The following TMOD1 variants were observed in gnomAD, a reference collection of about 807,000 sequenced individuals.
The protein encoded by TMOD1 is tropomodulin 1, also known as tropomodulin-1.
Under a neutral mutation model 40.6 loss-of-function variants are expected in TMOD1, and 17 were observed. The observed-to-expected ratio is 0.42, with a 90% CI of 0.29 to 0.63. TMOD1 has a LOEUF of 0.63. TMOD1 is among the 20% of genes least tolerant of loss of function. TMOD1 has a pLI of 0.22. For missense variants in TMOD1, 391 were observed against 447.6 expected, an observed-to-expected ratio of 0.87 and a Z score of 1.14; for synonymous variants, 181 against 175.0, an observed-to-expected ratio of 1.03 and a Z score of -0.27.
At position 97,593,056 on chromosome 9, in the gene TMOD1, C is replaced by T. The variant is rs115534670; in HGVS notation, c.1015+1621C>T. 4.4e-3 allele frequency among the ~76,000 whole-genome samples: 667 copies of T among 152,298 alleles called. 5 individuals are homozygous for T. The highest frequency in any genetic ancestry group is 0.016 in the African/African-American group (646 of 41,560). On this transcript the variant is annotated intron_variant, in intron 9 of 9. Coordinates refer to ENST00000259365, the MANE Select transcript of TMOD1 (RefSeq NM_003275.4). ...CAGCAGCTGTGATCTGGCTGCAGTACCAGCACGGAGAAGCCTTGCGTTTCT... is the reference window on the plus strand; with the variant it reads ...CAGCAGCTGTGATCTGGCTGCAGTATCAGCACGGAGAAGCCTTGCGTTTCT...
At chr9:97,524,939 C>A (rs1235582598) in intron 2 of TMOD1, among the ~76,000 whole-genome samples, 3 of 152,126 alleles carry the variant, frequency 2.0e-5, no homozygotes, top group African/African-American at 7.2e-5. Flanking sequence ...AACACCCTCA[C>A]AGACACACCC....
chr9:97,551,184 C>T (rs1038362282), intron 3 of TMOD1, among the ~76,000 whole-genome samples: 7 of 151,740 alleles, frequency 4.6e-5, no homozygotes, highest in East Asian at 1.9e-4. Flanking sequence ...CCATCACGCC[C>T]GGCTAATTTT....
chr9:97,503,265 G>A (rs1295362558), intron 1 of TMOD1, among the ~76,000 whole-genome samples: 1 of 152,140 alleles, frequency 6.6e-6, no homozygotes, highest in Admixed American at 6.5e-5. Flanking sequence ...GCTCAGGCAG[G>A]TCCGGGAGCT....
chr9:97,596,295 C>A (rs1327849184), intron 9 of TMOD1, among the ~76,000 whole-genome samples: 1 of 152,106 alleles, frequency 6.6e-6, no homozygotes, highest in Non-Finnish European at 1.5e-5. Flanking sequence ...GCACTCATCC[C>A]AAGTCTCCTT....
chr9:97,520,917 C>A (rs762176681), intron 1 of TMOD1, among the ~76,000 whole-genome samples: 4 of 152,166 alleles, frequency 2.6e-5, no homozygotes, highest in Non-Finnish European at 5.9e-5. Context: ...TAAAGGATTT[C>A]TTTCTCCCCT....
At chr9:97,545,638 A>C (rs1425329562) in intron 2 of TMOD1, among the ~76,000 whole-genome samples, 6 of 152,084 alleles carry the variant, frequency 3.9e-5, no homozygotes, top group Non-Finnish European at 7.4e-5. Flanking sequence ...TCTGCAGGGC[A>C]CTGCTCACCT....
At chr9:97,563,714 A>T (rs939537501) in intron 5 of TMOD1, among the ~76,000 whole-genome samples, 1 of 152,198 alleles carries the variant, frequency 6.6e-6, no homozygotes, top group African/African-American at 2.4e-5. Context: ...GCTTCATCTT[A>T]GCCTCCCAAG....
intron 2 of TMOD1, among the ~76,000 whole-genome samples, chr9:97,532,911 G>A (rs1830125197): frequency 6.6e-6 from 1 of 152,210 alleles, no homozygotes; most frequent in Non-Finnish European, 1.5e-5. Context: ...AGCAAAACCA[G>A]TGCTATGTAG....
intron 3 of TMOD1, among the ~76,000 whole-genome samples, chr9:97,546,844 G>T (rs193233562): frequency 6.7e-6 from 1 of 148,970 alleles, no homozygotes; most frequent in African/African-American, 2.5e-5. Context: ...CAGGAAAATC[G>T]CGTGAACCCA....
At chr9:97,597,291 G>A (rs755334089) in intron 9 of TMOD1, among the ~76,000 whole-genome samples, 37 of 152,148 alleles carry the variant, frequency 2.4e-4, no homozygotes, top group Non-Finnish European at 4.4e-4. Flanking sequence ...TCGTAACTTG[G>A]AATAAGTTAC....
intron 2 of TMOD1, among the ~76,000 whole-genome samples, chr9:97,536,104 C>T (rs952887568): frequency 1.3e-5 from 2 of 152,170 alleles, no homozygotes; most frequent in African/African-American, 4.8e-5. Flanking sequence ...CGCTCCACTG[C>T]ATCATTTCCA....
chr9:97,502,454 G>T lies in TMOD1; in HGVS notation c.-49+651G>T, dbSNP rs1319719828. Among the ~76,000 whole-genome samples, 1 of 152,232 alleles carries T rather than the reference G, an allele frequency of 6.6e-6. No homozygotes were observed. Among genetic ancestry groups the T allele is most frequent in the Admixed American group, 6.5e-5 (1 of 15,292 alleles). On this transcript the variant is annotated intron_variant, in intron 1 of 9. Coordinates refer to ENST00000259365, the MANE Select transcript of TMOD1 (RefSeq NM_003275.4). This position sits in a 1 kb window ranked among gnomAD's most constrained non-coding sequence, Gnocchi z 6.1. ...GAGGCGGGAGCCCCAGGTTGTCGCC[G>T]GCTCTCGGCATGGCCTTGGCAATCC...
chr9:97,549,575 A>G (rs1830416872), intron 3 of TMOD1, among the ~76,000 whole-genome samples: 1 of 152,200 alleles, frequency 6.6e-6, no homozygotes, highest in Non-Finnish European at 1.5e-5. Flanking sequence ...GGAATCTGAT[A>G]TTAACAGAGG....
intron 8 of TMOD1, among the ~76,000 whole-genome samples, chr9:97,590,343 C>A (rs1210439418): frequency 6.6e-6 from 1 of 152,092 alleles, no homozygotes; most frequent in East Asian, 1.9e-4. Context: ...CCTGCCTCAG[C>A]CTCCCAAGTA....
At chr9:97,596,808 GTTGT>G (rs1826122487) in intron 9 of TMOD1, among the ~76,000 whole-genome samples, 1 of 152,142 alleles carries the variant, frequency 6.6e-6, no homozygotes. Flanking sequence ...CTACCTTTTT[GTTGT>G]TTAAAATTCA....
chr9:97,570,691 T>G (rs1485841487), intron 8 of TMOD1, among the ~76,000 whole-genome samples: 1 of 152,178 alleles, frequency 6.6e-6, no homozygotes, highest in East Asian at 1.9e-4. Flanking sequence ...CTGAGGCATC[T>G]CCTTATCTCA....
At chr9:97,510,606 C>T (rs1829680924) in intron 1 of TMOD1, among the ~76,000 whole-genome samples, 1 of 152,182 alleles carries the variant, frequency 6.6e-6, no homozygotes, top group Non-Finnish European at 1.5e-5. Flanking sequence ...GGCATTTATT[C>T]ATTCATTCAT....
At chr9:97,516,960 A>C (rs1343683417) in intron 1 of TMOD1, 2 of 152,214 alleles carry the variant, frequency 1.3e-5, no homozygotes, top group Non-Finnish European at 2.9e-5. Flanking sequence ...CTGTGCAACT[A>C]AAAATGGTTA....
intron 8 of TMOD1, among the ~76,000 whole-genome samples, chr9:97,578,323 G>A (rs1414007088): frequency 6.6e-6 from 1 of 152,216 alleles, no homozygotes; most frequent in African/African-American, 2.4e-5. Context: ...AAAGTGCTGG[G>A]ATTACAGGCG....
Sources: allele counts gnomAD v4.1 joint callset (sites outside exome capture counted in the v4.1 genomes callset), GRCh38; gene constraint gnomAD v4.1.1; non-coding constraint Gnocchi (gnomAD v3.1); transcripts MANE v1.5; gene names NCBI Gene and HGNC (gene_info 2026-07-23, HGNC 2026-07-21).